The following LYAR variants were observed in gnomAD, a reference collection of about 807,000 sequenced individuals.
The protein encoded by LYAR is cell growth-regulating nucleolar protein.
In LYAR, 37 loss-of-function variants were observed where a neutral mutation model predicts 45.2. That is an observed-to-expected ratio of 0.82 (90% CI 0.63 to 1.08). The LOEUF is 1.08. LYAR is among the 50% of genes least tolerant of loss of function. The pLI is 0.00. For missense variants in LYAR, 493 were observed against 451.0 expected (o/e 1.09, Z -0.84); for synonymous variants, 176 against 155.1 (o/e 1.14, Z -1.00).
At chr4:4,278,594 C>CACCT (rs1719281030) in intron 6 of LYAR, among the ~76,000 whole-genome samples, 1 of 152,190 alleles carries the variant, frequency 6.6e-6, no homozygotes, top group African/African-American at 2.4e-5. Flanking sequence ...TCCAGAGGAA[C>CACCT]ACCTAGTCAC....
intron 6 of LYAR, among the ~76,000 whole-genome samples, chr4:4,277,551 A>T (rs1719233211): frequency 6.6e-6 from 1 of 152,114 alleles, no homozygotes; most frequent in South Asian, 2.1e-4. Flanking sequence ...TTTTTACCTC[A>T]TTACACACTC....
rs762777417 is a variant in LYAR, at chr4:4,273,686, A to AT, written c.833-18dup. On this transcript the variant is annotated splice_polypyrimidine_tract_variant and intron_variant, in intron 7 of 9. Coordinates refer to ENST00000343470, the MANE Select transcript of LYAR (RefSeq NM_017816.3). ...CTGTTTCAACTAAGTATTTGGAAAG[A>AT]TTTTTTTTAAAGAAGATTTTGCATT... 33 of 1,537,602 alleles carry AT rather than the reference A, an allele frequency of 2.1e-5. No individual in the cohort carries two copies. The highest frequency in any genetic ancestry group is 3.5e-5 in the Admixed American group (2 of 57,186).
chr4:4,272,677 T>C (rs1462167953), intron 8 of LYAR, among the ~76,000 whole-genome samples: 1 of 152,206 alleles, frequency 6.6e-6, no homozygotes, highest in Non-Finnish European at 1.5e-5. Flanking sequence ...CAGAACAGCA[T>C]GCAATGGAAA....
At position 4,273,534 on chromosome 4, in the gene LYAR, G is replaced by A. The variant is rs749385071; in HGVS notation, c.919+49C>T. On this transcript the variant is annotated intron_variant, in intron 8 of 9. Transcript: ENST00000343470. ...CTCTGAAGTAGCTGGGACTATCAGCGAGAGCCGCTGTGCCCAGCCGTGCTC... is the reference window on the plus strand; with the variant it reads ...CTCTGAAGTAGCTGGGACTATCAGCAAGAGCCGCTGTGCCCAGCCGTGCTC... 68 of 1,387,022 alleles carry A rather than the reference G, an allele frequency of 4.9e-5. No homozygotes were observed. The Middle Eastern group carries it at 5.6e-4, about 11-fold the overall frequency. The allele number at this position is 1,387,022 out of a possible 1,614,324, so 85.9% of individuals were successfully genotyped here.
chr4:4,269,246 C>A (rs560723866), intron 8 of LYAR, among the ~76,000 whole-genome samples: 4 of 152,316 alleles, frequency 2.6e-5, no homozygotes, highest in Admixed American at 2.6e-4. Flanking sequence ...ACACCAACAG[C>A]ACAGACAAAA....
At chr4:4,289,022 T>A (rs545226651) in intron 1 of LYAR, among the ~76,000 whole-genome samples, 1 of 152,276 alleles carries the variant, frequency 6.6e-6, no homozygotes, top group South Asian at 2.1e-4. Context: ...CGGGTAGCAT[T>A]CTGAGAAACC....
chr4:4,277,008 TG>T (rs1264457539), intron 6 of LYAR, among the ~76,000 whole-genome samples: 4 of 152,182 alleles, frequency 2.6e-5, no homozygotes, highest in Non-Finnish European at 4.4e-5. Context: ...ACTTCACATC[TG>T]TCCTACAATT....
At chr4:4,268,448 A>C in intron 9 of LYAR, 82 bp downstream of exon 9, 1 of 985,292 alleles carries the variant, frequency 1.0e-6, no homozygotes, top group Admixed American at 2.2e-5. Flanking sequence ...TTTAGGTGAA[A>C]AAAGAAAAAA....
chr4:4,281,676 T>C, intron 4 of LYAR, 107 bp downstream of exon 4: 1 of 817,114 alleles, frequency 1.2e-6, no homozygotes, highest in East Asian at 2.4e-5. Flanking sequence ...ACATGAGGTT[T>C]CCAGAGCTTG....
intron 4 of LYAR, among the ~76,000 whole-genome samples, 189 bp from the exon 5 acceptor site, chr4:4,279,938 C>A (rs997907263): frequency 1.1e-4 from 17 of 152,074 alleles, no homozygotes; most frequent in Admixed American, 2.0e-4. Context: ...CTAGCCAGAG[C>A]AGTTAGGCAA....
Position 4,279,484 on chromosome 4 carries a change from T to C in LYAR, c.392A>G (p.Asp131Gly), listed in dbSNP as rs1312431453. ...SLKVHNESILDQVWNIFSEAS... is the reference protein window; with the variant it reads ...SLKVHNESILGQVWNIFSEAS... The stretch of plus-strand genomic sequence containing the variant: ...TTCAGAAAAGATATTCCACACCTGG[T>C]CCAGAATGGATTCATTATGAACTTT... Residue 131 changes from aspartate (D) to glycine (G), a missense_variant, in exon 6 of 10, where the codon GAC becomes GGC. Asp to Gly is a moderately conservative substitution (Grantham distance 94). Coordinates refer to ENST00000343470, the MANE Select transcript of LYAR (RefSeq NM_017816.3). The C allele has an allele frequency of 1.2e-6, 2 of 1,613,258 alleles. No homozygotes were observed. The highest frequency in any genetic ancestry group is 1.7e-6 in the Non-Finnish European group (2 of 1,179,350).
At chr4:4,268,095 C>A (rs1718786493) in intron 9 of LYAR, 72 bp from the exon 10 acceptor site, 3 of 1,322,212 alleles carry the variant, frequency 2.3e-6, no homozygotes, top group Middle Eastern at 2.2e-4. Context: ...GTCTTTAACC[C>A]AGAAATAGAA....
intron 4 of LYAR, among the ~76,000 whole-genome samples, chr4:4,280,145 G>A (rs1719339329): frequency 6.6e-6 from 1 of 152,088 alleles, no homozygotes; most frequent in South Asian, 2.1e-4. Flanking sequence ...ACCAGAAAGA[G>A]AAATTAAGAA....
At chr4:4,282,037 C>G in intron 3 of LYAR, 140 bp from the exon 4 acceptor site, 1 of 592,058 alleles carries the variant, frequency 1.7e-6, no homozygotes, top group Non-Finnish European at 3.0e-6. Flanking sequence ...ATCTATTTCA[C>G]TTATTATGTT....
intron 8 of LYAR, among the ~76,000 whole-genome samples, chr4:4,269,212 G>T (rs1295727392): frequency 1.3e-5 from 2 of 152,278 alleles, no homozygotes; most frequent in African/African-American, 4.8e-5. Flanking sequence ...CCCAGATCTG[G>T]AGTTGAAGAA....
At chr4:4,283,162 C>A (rs1719470434) in intron 3 of LYAR, among the ~76,000 whole-genome samples, 1 of 152,176 alleles carries the variant, frequency 6.6e-6, no homozygotes, top group South Asian at 2.1e-4. Context: ...CATTTCTCCC[C>A]CCCAAGAAGG....
intron 6 of LYAR, among the ~76,000 whole-genome samples, chr4:4,276,890 C>CT (rs1369235829): frequency 6.6e-6 from 1 of 152,104 alleles, no homozygotes; most frequent in East Asian, 1.9e-4. Context: ...ATGTAACCAC[C>CT]TGGTTTTCTC....
chr4:4,278,578 C>T (rs1304925110), intron 6 of LYAR, among the ~76,000 whole-genome samples: 1 of 152,132 alleles, frequency 6.6e-6, no homozygotes, highest in Non-Finnish European at 1.5e-5. Context: ...ACCCCCTCAC[C>T]CCTTATCCAG....
intron 5 of LYAR, 28 bp from the exon 6 acceptor site, chr4:4,279,558 A>G (rs749507854): frequency 3.8e-6 from 6 of 1,579,554 alleles, no homozygotes; most frequent in Non-Finnish European, 5.2e-6. Flanking sequence ...AAAAAGAACT[A>G]TTGATCCCAC....
Sources: gnomAD v4.1 joint callset for allele counts (sites outside exome capture counted in the v4.1 genomes callset) on GRCh38, gnomAD v4.1.1 for gene constraint, MANE v1.5 for transcripts, NCBI Gene and HGNC (gene_info 2026-07-23, HGNC 2026-07-21) for gene names.